Variants in ANK2 observed in about 807,000 individuals in gnomAD.
ANK2 encodes the protein ankyrin 2.
ANK2 carries 83 observed loss-of-function variants against 360.5 expected under a neutral mutation model. That is an observed-to-expected ratio of 0.23 (90% CI 0.19 to 0.28). The LOEUF (loss-of-function observed/expected upper bound fraction) is 0.28, where lower values mean the gene tolerates loss of function less well. Ranked by LOEUF, ANK2 falls within the 10% of genes least tolerant of loss-of-function variation. The pLI, the probability that ANK2 is intolerant of heterozygous loss-of-function variation, is 1.00. For missense variants in ANK2, 4,201 were observed against 4,795.7 expected, an observed-to-expected ratio of 0.88 and a Z score of 3.66; for synonymous variants, 1,740 against 1,759.5, an observed-to-expected ratio of 0.99 and a Z score of 0.28.
intron 7 of ANK2, 43 bp from the exon 8 acceptor site, chr4:113,240,442 A>G: frequency 6.8e-7 from 1 of 1,468,334 alleles, no homozygotes; most frequent in Non-Finnish European, 9.5e-7. Flanking sequence ...GCAACATAGA[A>G]AAGTGAAGCG....
rs184088446 is a variant in ANK2 at position 113,071,915 on chromosome 4, G to A, written c.84+22103G>A. On this transcript the variant is annotated intron_variant, in intron 1 of 45. Coordinates refer to ENST00000357077, the MANE Select transcript of ANK2 (RefSeq NM_001148.6). The stretch of plus-strand genomic sequence containing the variant: ...GAAGCAAACACATCCTTCTTCACAT[G>A]GCAGCAGGAGAGAGAAGAATGAGTG... 7.1e-3 allele frequency: 1,083 copies of A among 152,374 alleles called. 14 individuals are homozygous for A. The highest frequency in any genetic ancestry group is 0.025 in the African/African-American group (1,028 of 41,556). The allele number at this position is 152,374 out of a possible 1,614,324, so 9.4% of individuals were successfully genotyped here. A position where few individuals can be genotyped will look rare whatever the true frequency, so the allele number is the denominator to read the frequency against.
At chr4:112,758,720 T>G in the ANK2 span, among the ~76,000 whole-genome samples, 1 of 152,334 alleles carries the variant, frequency 6.6e-6, no homozygotes, top group African/African-American at 2.4e-5. Context: ...TGGCACAAAA[T>G]GCTTTCTAAT....
intron 2 of ANK2, among the ~76,000 whole-genome samples, chr4:112,998,061 C>A (rs1378513279): frequency 6.6e-6 from 1 of 151,986 alleles, no homozygotes; most frequent in Non-Finnish European, 1.5e-5. Flanking sequence ...TAATTCCTCA[C>A]ATTTTATTAT....
At chr4:112,709,511 G>A in the ANK2 span, among the ~76,000 whole-genome samples, 5 of 152,172 alleles carry the variant, frequency 3.3e-5, no homozygotes, top group Non-Finnish European at 7.3e-5. Context: ...CACTTTTGGA[G>A]GCCGAGGTGG....
At chr4:113,103,489 T>C (rs114129607) in intron 1 of ANK2, among the ~76,000 whole-genome samples, 99 of 152,274 alleles carry the variant, frequency 6.5e-4, no homozygotes, top group Non-Finnish European at 1.2e-3. Context: ...AGGAAAAGAA[T>C]GTCAGTGATG....
chr4:112,979,302 G>A (rs181987108), intron 2 of ANK2, among the ~76,000 whole-genome samples: 1 of 152,318 alleles, frequency 6.6e-6, no homozygotes, highest in East Asian at 1.9e-4. Context: ...AGCTCCATGC[G>A]AGGCTGTGGC....
At chr4:112,918,693 A>G (rs1014544549) in intron 2 of ANK2, among the ~76,000 whole-genome samples, 1 of 152,206 alleles carries the variant, frequency 6.6e-6, no homozygotes, top group Non-Finnish European at 1.5e-5. Context: ...TTTGAATGTT[A>G]TTTGGCATAT....
Position 112,961,632 on chromosome 4 carries a change from T to A in ANK2, c.21+57118T>A, listed in dbSNP as rs758750065. Among the ~76,000 whole-genome samples the A allele has an allele frequency of 2.7e-4, 41 of 152,242 alleles. No individual in the cohort carries two copies. In the Middle Eastern group the frequency reaches 0.01, roughly 38 times the overall value. On this transcript the variant is annotated intron_variant, in intron 2 of 30. Coordinates refer to the ANK2 transcript ENST00000503271. ...CAGATTATGACTTATATGAACAGAA[T>A]AAAAGCATGCTACATTTCCCCCATT...
rs541393299 is a variant in ANK2, at chr4:112,904,384, T to C, written c.-39-71T>C. The C allele has an allele frequency of 9.9e-6, 9 of 909,996 alleles. No individual in the cohort carries two copies. The African/African-American group carries it at 1.6e-4, about 16-fold the overall frequency. 56.4% of individuals were successfully genotyped at this position (909,996 alleles called of 1,614,324 possible). On this transcript the variant is annotated intron_variant, in intron 1 of 30. Transcript: ENST00000503271. ...TATAAGCTTATTTTGATTTGAAATA[T>C]GGAAACTGTTCTTAATGATAAATTG...
At chr4:113,204,083 A>C (rs961048809) in intron 4 of ANK2, among the ~76,000 whole-genome samples, 4 of 151,974 alleles carry the variant, frequency 2.6e-5, no homozygotes, top group Non-Finnish European at 5.9e-5. Flanking sequence ...TTTCTCCACA[A>C]AAAAAATATA....
At chr4:113,344,797 C>A (rs1336084765) in intron 34 of ANK2, among the ~76,000 whole-genome samples, 2 of 152,058 alleles carry the variant, frequency 1.3e-5, no homozygotes, top group Non-Finnish European at 2.9e-5. Flanking sequence ...ATATGAGGTA[C>A]CTAGGGTAGT....
At chr4:113,290,362 C>T (rs1024964881) in intron 20 of ANK2, among the ~76,000 whole-genome samples, 2 of 151,846 alleles carry the variant, frequency 1.3e-5, no homozygotes, top group African/African-American at 4.8e-5. Context: ...GCTGTAGTTA[C>T]TAAAAATGGA....
chr4:113,304,479 G>A (rs2076337111), intron 23 of ANK2, among the ~76,000 whole-genome samples: 1 of 152,128 alleles, frequency 6.6e-6, no homozygotes, highest in South Asian at 2.1e-4. Flanking sequence ...GTCATGAATT[G>A]TTTGTACTGT....
rs537511567 is a variant in ANK2 at position 113,089,215 on chromosome 4, G to A, written c.84+39403G>A. On this transcript the variant is annotated intron_variant, in intron 1 of 45. Coordinates refer to ENST00000357077, the MANE Select transcript of ANK2 (RefSeq NM_001148.6). ...AAATAGATTCTACCTCTTGATGGGA[G>A]GAACTGTAAACATTTCATGACCATA... 7.9e-5 allele frequency among the ~76,000 whole-genome samples: 12 copies of A among 152,276 alleles called. No homozygotes were observed. The South Asian group carries it at 2.5e-3, about 32-fold the overall frequency.
At chr4:112,874,358 C>T (rs2074296525) in intron 1 of ANK2, among the ~76,000 whole-genome samples, 1 of 149,524 alleles carries the variant, frequency 6.7e-6, no homozygotes, top group African/African-American at 2.4e-5. Flanking sequence ...GCTGGGATTA[C>T]AGGCGTGAGC....
the ANK2 span, among the ~76,000 whole-genome samples, chr4:112,795,735 C>G: frequency 6.6e-6 from 1 of 151,758 alleles, no homozygotes; most frequent in Non-Finnish European, 1.5e-5. Flanking sequence ...AGCTCCTGAC[C>G]TCGTGATCCA....
chr4:112,786,746 C>CT, the ANK2 span, among the ~76,000 whole-genome samples: 2,920 of 108,894 alleles, frequency 0.027, 127 homozygotes, highest in African/African-American at 0.058. Context: ...TAAAATCAAA[C>CT]TTTTTTTTTT....
the ANK2 span, among the ~76,000 whole-genome samples, chr4:112,780,645 T>G: frequency 1.3e-5 from 2 of 151,964 alleles, no homozygotes; most frequent in African/African-American, 4.8e-5. Flanking sequence ...AGGAAAGAGA[T>G]TTAATTGACT....
intron 1 of ANK2, among the ~76,000 whole-genome samples, chr4:112,882,684 A>G (rs535528081): frequency 1.3e-5 from 2 of 150,798 alleles, no homozygotes; most frequent in South Asian, 4.2e-4. Context: ...CGCCAGGTTT[A>G]ATGCATTAAT....
Sources: gnomAD v4.1 joint callset for allele counts (sites outside exome capture counted in the v4.1 genomes callset) on GRCh38, gnomAD v4.1.1 for gene constraint, MANE v1.5 for transcripts, NCBI Gene and HGNC (gene_info 2026-07-23, HGNC 2026-07-21) for gene names.